The following ARHGAP15 variants were observed in gnomAD, a reference collection of about 807,000 sequenced individuals.
The protein encoded by ARHGAP15 is rho GTPase-activating protein 15.
In ARHGAP15, 51 loss-of-function variants were observed where a neutral mutation model predicts 63.7. That is an observed-to-expected ratio of 0.80 (90% CI 0.64 to 1.01). The LOEUF is 1.01. Ranked by LOEUF, ARHGAP15 falls within the 50% of genes least tolerant of loss-of-function variation. ARHGAP15 has a pLI of 0.00. For missense variants in ARHGAP15, 560 were observed against 564.6 expected (o/e 0.99, Z 0.08); for synonymous variants, 191 against 193.8 (o/e 0.99, Z 0.12).
chr2:143,276,460 T>A (rs1681555401), intron 6 of ARHGAP15, among the ~76,000 whole-genome samples: 2 of 152,256 alleles, frequency 1.3e-5, no homozygotes, highest in African/African-American at 4.8e-5. Flanking sequence ...ATTGCTAATG[T>A]TTATTTAATA....
At chr2:143,713,942 A>G (rs1684696940) in intron 13 of ARHGAP15, among the ~76,000 whole-genome samples, 1 of 152,118 alleles carries the variant, frequency 6.6e-6, no homozygotes, top group Admixed American at 6.5e-5. Context: ...GCTTTTCTAG[A>G]CAGACAGTGT....
At chr2:143,460,403 C>T (rs1296872992) in intron 8 of ARHGAP15, among the ~76,000 whole-genome samples, 1 of 152,102 alleles carries the variant, frequency 6.6e-6, no homozygotes, top group Non-Finnish European at 1.5e-5. Context: ...TTCATTTTAT[C>T]CTCTGCATTC....
intron 2 of ARHGAP15, among the ~76,000 whole-genome samples, chr2:143,197,733 T>A (rs1242453932): frequency 6.6e-6 from 1 of 152,042 alleles, no homozygotes; most frequent in African/African-American, 2.4e-5. Context: ...AACATCTTCA[T>A]AACCTGGTTG....
chr2:143,209,897 A>G (rs940549398), intron 3 of ARHGAP15, among the ~76,000 whole-genome samples: 10 of 152,196 alleles, frequency 6.6e-5, no homozygotes, highest in Admixed American at 6.5e-4. Context: ...ACAGAAACAA[A>G]TGACAATACC....
intron 13 of ARHGAP15, chr2:143,741,412 C>T (rs1239480482): frequency 6.6e-6 from 1 of 152,122 alleles, no homozygotes; most frequent in Non-Finnish European, 1.5e-5. Flanking sequence ...ATGTTTTTAG[C>T]TTCAGCTGTT....
rs12475390 is a variant in ARHGAP15, at chr2:143,377,886, A to C, written c.475-57715A>C. ...AATAGGCTTTTTTTATATGTACTTT[A>C]CATCTCTCTCTGATTTAAATAGTCC... On this transcript the variant is annotated intron_variant, in intron 6 of 13. Transcript: ENST00000295095. Among the ~76,000 whole-genome samples, 236 of 152,178 alleles carry C rather than the reference A, an allele frequency of 1.6e-3. No individual in the cohort carries two copies. The Middle Eastern group carries it at 0.024, about 15-fold the overall frequency.
chr2:143,380,644 T>C (rs1469257965), intron 6 of ARHGAP15, among the ~76,000 whole-genome samples: 2 of 152,154 alleles, frequency 1.3e-5, no homozygotes, highest in Non-Finnish European at 2.9e-5. Context: ...TCTATATATG[T>C]TCATTCTGGT....
chr2:143,716,529 T>C (rs1559141705), intron 13 of ARHGAP15, among the ~76,000 whole-genome samples: 1 of 152,220 alleles, frequency 6.6e-6, no homozygotes, highest in African/African-American at 2.4e-5. Flanking sequence ...ATTGCCATAC[T>C]ACCTTGAATT....
chr2:143,347,341 A>G (rs537281367), intron 6 of ARHGAP15, among the ~76,000 whole-genome samples: 1 of 152,304 alleles, frequency 6.6e-6, no homozygotes, highest in Admixed American at 6.5e-5. Flanking sequence ...CTAAATGTAT[A>G]GAATCAGCTT....
intron 10 of ARHGAP15, among the ~76,000 whole-genome samples, chr2:143,540,439 G>C (rs879141137): frequency 2.0e-5 from 3 of 152,110 alleles, no homozygotes; most frequent in South Asian, 2.1e-4. Flanking sequence ...TGGTTATTTT[G>C]CTTGTTAGTT....
rs150384763 is a variant in ARHGAP15 at position 143,189,232 on chromosome 2, C to T, written c.166-12902C>T. ...TTGTAAGTGATTGTTCCCCCTTCCTCTCTCTTCCACATACACTATTTTTGG... is the reference window on the plus strand; with the variant it reads ...TTGTAAGTGATTGTTCCCCCTTCCTTTCTCTTCCACATACACTATTTTTGG... On this transcript the variant is annotated intron_variant, in intron 2 of 13. Transcript: ENST00000295095. 2.6e-5 allele frequency among the ~76,000 whole-genome samples: 4 copies of T among 152,292 alleles called. No homozygotes were observed. In the East Asian group the frequency reaches 5.8e-4, roughly 22 times the overall value.
intron 2 of ARHGAP15, among the ~76,000 whole-genome samples, chr2:143,159,464 G>C (rs1349287200): frequency 2.0e-5 from 3 of 151,862 alleles, no homozygotes; most frequent in East Asian, 3.9e-4. Context: ...TTGAGGCTTT[G>C]TTTGTATAAA....
chr2:143,620,726 A>G (rs1698615432), intron 11 of ARHGAP15, among the ~76,000 whole-genome samples: 1 of 152,220 alleles, frequency 6.6e-6, no homozygotes, highest in Non-Finnish European at 1.5e-5. Flanking sequence ...GGACATGATG[A>G]TAACAATAGC....
At chr2:143,644,156 C>G (rs1286033665) in intron 12 of ARHGAP15, among the ~76,000 whole-genome samples, 2 of 151,992 alleles carry the variant, frequency 1.3e-5, no homozygotes, top group Non-Finnish European at 2.9e-5. Context: ...GAAAACTGTG[C>G]ATTTTTATGT....
chr2:143,522,408 G>A (rs1293969182), intron 10 of ARHGAP15, among the ~76,000 whole-genome samples: 1 of 152,112 alleles, frequency 6.6e-6, no homozygotes, highest in Non-Finnish European at 1.5e-5. Context: ...TAGTCGTAGA[G>A]CATGTATATG....
intron 6 of ARHGAP15, among the ~76,000 whole-genome samples, chr2:143,390,381 T>C (rs954341009): frequency 1.1e-4 from 16 of 152,248 alleles, no homozygotes; most frequent in African/African-American, 3.9e-4. Context: ...ATCTGTCAGC[T>C]AAAGCTCATC....
intron 6 of ARHGAP15, among the ~76,000 whole-genome samples, chr2:143,281,209 C>T (rs941546891): frequency 6.6e-6 from 1 of 152,088 alleles, no homozygotes; most frequent in African/African-American, 2.4e-5. Flanking sequence ...TACTCTGCTA[C>T]ACATGTAATG....
chr2:143,326,496 T>A (rs1225295881), intron 6 of ARHGAP15, among the ~76,000 whole-genome samples: 3 of 152,222 alleles, frequency 2.0e-5, no homozygotes, highest in Non-Finnish European at 4.4e-5. Context: ...CTAAAGTCCT[T>A]GTTCATTCAC....
At chr2:143,232,367 C>T (rs1428186444) in intron 5 of ARHGAP15, among the ~76,000 whole-genome samples, 11 of 152,148 alleles carry the variant, frequency 7.2e-5, no homozygotes, top group Admixed American at 7.2e-4. Context: ...TTTTGCTCAT[C>T]AAGACAGGTG....
Sources: allele counts gnomAD v4.1 joint callset (sites outside exome capture counted in the v4.1 genomes callset), GRCh38; gene constraint gnomAD v4.1.1; transcripts MANE v1.5; gene names NCBI Gene and HGNC (gene_info 2026-07-23, HGNC 2026-07-21).